ARPC4: variants seen among roughly 807,000 people sequenced by gnomAD.
ARPC4 encodes the protein actin related protein 2/3 complex subunit 4.
A neutral mutation model predicts 22.8 loss-of-function variants in ARPC4; 3 were observed. That is an observed-to-expected ratio of 0.13 (90% CI 0.06 to 0.34). The LOEUF (loss-of-function observed/expected upper bound fraction) is 0.34. Ranked by LOEUF, ARPC4 falls within the 10% of genes least tolerant of loss-of-function variation. ARPC4 has a pLI of 1.00. For synonymous variants in ARPC4, 80 were observed against 72.5 expected (o/e 1.10, Z -0.52); for missense variants, 98 against 211.0 (o/e 0.46, Z 3.32).
chr3:9,802,722 T>TGCAGTGCACTGCA (rs1406548301), intron 4 of ARPC4, among the ~76,000 whole-genome samples: 3 of 145,636 alleles, frequency 2.1e-5, no homozygotes, highest in East Asian at 4.1e-4. Flanking sequence ...TTGCCCAGGC[T>TGCAGTGCACTGCA]GGAGTGCAGT....
chr3:9,793,617 A>G (rs1212950805), intron 1 of ARPC4, among the ~76,000 whole-genome samples: 1 of 152,028 alleles, frequency 6.6e-6, no homozygotes, highest in East Asian at 1.9e-4. Flanking sequence ...ACCCCATTGG[A>G]GGATCTCTCG....
intron 4 of ARPC4, among the ~76,000 whole-genome samples, chr3:9,802,434 G>A (rs906408413): frequency 1.3e-5 from 2 of 149,476 alleles, no homozygotes; most frequent in African/African-American, 4.9e-5. Flanking sequence ...GGAGTGCAGT[G>A]GCACAATCTT....
At chr3:9,798,363 C>T (rs146879476) in intron 2 of ARPC4, among the ~76,000 whole-genome samples, 15 of 152,102 alleles carry the variant, frequency 9.9e-5, no homozygotes, top group African/African-American at 3.1e-4. Context: ...GTGGGTAGAT[C>T]GCTTGAGTAC....
intron 1 of ARPC4, among the ~76,000 whole-genome samples, chr3:9,796,212 G>T: frequency 6.6e-6 from 1 of 152,256 alleles, no homozygotes; most frequent in Middle Eastern, 3.4e-3. Context: ...TGACCAACAC[G>T]GTGAAACTCC....
At chr3:9,797,210 C>T (rs187025771) in intron 1 of ARPC4, among the ~76,000 whole-genome samples, 7 of 152,254 alleles carry the variant, frequency 4.6e-5, no homozygotes, top group East Asian at 1.9e-4. Context: ...AATAGATTGA[C>T]GACAATCATG....
In ARPC4 at chr3:9,801,659, A is replaced by G; in HGVS notation, c.235-2A>G. On this transcript the variant is annotated splice_acceptor_variant, in intron 3 of 5. Coordinates refer to ENST00000397261, the MANE Select transcript of ARPC4 (RefSeq NM_005718.5). LOFTEE classifies it high-confidence loss of function. Reference sequence around the variant, plus strand: ...GAAACATTTCTCTCTTGCACTCCCCAGGCTGATGAGATCGAGAAGATTTTG... The same window carrying G: ...GAAACATTTCTCTCTTGCACTCCCCGGGCTGATGAGATCGAGAAGATTTTG... 1 of 1,605,018 alleles carries G rather than the reference A, an allele frequency of 6.2e-7. No individual in the cohort carries two copies. The highest frequency in any genetic ancestry group is 8.5e-7 in the Non-Finnish European group (1 of 1,174,510).
intron 1 of ARPC4, among the ~76,000 whole-genome samples, chr3:9,796,782 A>G (rs149623687): frequency 1.3e-5 from 2 of 151,772 alleles, no homozygotes; most frequent in Non-Finnish European, 1.5e-5. Context: ...TCTACTAAAA[A>G]TACAAAAAGT....
chr3:9,793,144 G>C lies in ARPC4; in HGVS notation c.3+20G>C, dbSNP rs190626413. On this transcript the variant is annotated intron_variant, in intron 1 of 5. Coordinates refer to ENST00000397261, the MANE Select transcript of ARPC4 (RefSeq NM_005718.5). The stretch of plus-strand genomic sequence containing the variant: ...GCGATGGTGAGAGAGCCGGGCCCCC[G>C]GCCAGGGACCCCCGGCTGTTCGGCC... 2.7e-5 allele frequency: 42 copies of C among 1,540,268 alleles called. No homozygotes were observed. The African/African-American group carries it at 5.2e-4, about 19-fold the overall frequency.
intron 1 of ARPC4, among the ~76,000 whole-genome samples, chr3:9,796,920 A>T (rs181359450): frequency 1.4e-5 from 2 of 147,922 alleles, no homozygotes; most frequent in Non-Finnish European, 3.0e-5. Context: ...CAGCCTGGGC[A>T]ACAGAGCGAG....
chr3:9,792,541 T>C, upstream of ARPC4: 1 of 1,224,606 alleles, frequency 8.2e-7, no homozygotes, highest in Non-Finnish European at 1.0e-6. Flanking sequence ...CTACTGGAGT[T>C]TGCCGGGGGT....
rs766378623 is a variant in ARPC4, at chr3:9,803,831, C to G, written c.331-12C>G. The G allele has an allele frequency of 1.2e-6, 2 of 1,611,918 alleles. No homozygotes were observed. The highest frequency in any genetic ancestry group is 2.7e-5 in the African/African-American group (2 of 74,878). On this transcript the variant is annotated splice_polypyrimidine_tract_variant and intron_variant, in intron 4 of 5. Coordinates refer to ENST00000397261, the MANE Select transcript of ARPC4 (RefSeq NM_005718.5). The stretch of plus-strand genomic sequence containing the variant: ...TCCTTCTCTTCCCCCTCCCTACTGT[C>G]TTCTTCCCTAGGGGTATGATATCAG...
intron 4 of ARPC4, among the ~76,000 whole-genome samples, chr3:9,802,037 A>G (rs1467380234): frequency 1.3e-5 from 2 of 151,934 alleles, no homozygotes; most frequent in South Asian, 2.1e-4. Context: ...TCAGGAGTTC[A>G]AGACCAGCCT....
intron 3 of ARPC4, among the ~76,000 whole-genome samples, chr3:9,801,412 G>A (rs1049212550): frequency 2.6e-5 from 4 of 152,010 alleles, no homozygotes; most frequent in Non-Finnish European, 4.4e-5. Flanking sequence ...TACAGCTGTA[G>A]ACTCTGAAAG....
At chr3:9,802,747 G>C (rs2079039072) in intron 4 of ARPC4, among the ~76,000 whole-genome samples, 1 of 145,250 alleles carries the variant, frequency 6.9e-6, no homozygotes, top group South Asian at 2.2e-4. Flanking sequence ...CAGTCTCACT[G>C]ACTGCAACCT....
At position 9,806,406 on chromosome 3, in the gene ARPC4, C is replaced by A. The variant is rs190461340; in HGVS notation, c.*191C>A. On this transcript the variant is annotated 3_prime_UTR_variant, in exon 6 of 6. Coordinates refer to ENST00000397261, the MANE Select transcript of ARPC4 (RefSeq NM_005718.5). ...GCAGTGGACCTGCCCCAAGGCCACA[C>A]GTGCCTGGTCAGGCTGGCTTCTGAT... 1.5e-6 allele frequency: 1 copy of A among 664,962 alleles called. No homozygotes were observed. The highest frequency in any genetic ancestry group is 2.7e-6 in the Non-Finnish European group (1 of 370,390). 41.2% of individuals were successfully genotyped at this position (664,962 alleles called of 1,614,324 possible).
intron 3 of ARPC4, 22 bp downstream of exon 3, chr3:9,800,318 C>A: frequency 6.2e-7 from 1 of 1,611,964 alleles, no homozygotes; most frequent in Non-Finnish European, 8.5e-7. Flanking sequence ...ATGGAGGAGG[C>A]CCAACGTAAG....
At chr3:9,801,855 C>A in intron 4 of ARPC4, 99 bp downstream of exon 4, 1 of 1,208,996 alleles carries the variant, frequency 8.3e-7, no homozygotes, top group Non-Finnish European at 1.1e-6. Context: ...GTTTGGCACC[C>A]ACTGCCTGAA....
Position 9,793,115 on chromosome 3 carries a change from G to A in ARPC4, c.-7G>A, listed in dbSNP as rs773271887. 27 of 1,543,634 alleles carry A rather than the reference G, an allele frequency of 1.7e-5. No homozygotes were observed. The East Asian group carries it at 4.9e-4, about 28-fold the overall frequency. On this transcript the variant is annotated 5_prime_UTR_variant, in exon 1 of 6. Coordinates refer to ENST00000397261, the MANE Select transcript of ARPC4 (RefSeq NM_005718.5). The stretch of plus-strand genomic sequence containing the variant: ...ACTTCCGCTTTCCGGCCCAGCCAGC[G>A]CCCGCGATGGTGAGAGAGCCGGGCC...
upstream of ARPC4, chr3:9,792,622 G>A: frequency 3.2e-6 from 4 of 1,230,818 alleles, no homozygotes; most frequent in Non-Finnish European, 3.0e-6. Flanking sequence ...GCGAGCCCCG[G>A]GGCACAGCCC....
Sources: gnomAD v4.1 joint callset for allele counts (sites outside exome capture counted in the v4.1 genomes callset) on GRCh38, gnomAD v4.1.1 for gene constraint, MANE v1.5 for transcripts, NCBI Gene and HGNC (gene_info 2026-07-23, HGNC 2026-07-21) for gene names.